MLLT6: variants seen among roughly 807,000 people sequenced by gnomAD.
MLLT6 encodes the protein MLLT6, PHD finger containing, also known as protein AF-17.
In MLLT6, 22 loss-of-function variants were observed where a neutral mutation model predicts 103.0. The ratio of observed to expected loss-of-function variants is 0.21; its 90% CI spans 0.15 to 0.31. The LOEUF is 0.31. MLLT6 is among the 10% of genes least tolerant of loss of function. The pLI, the probability that MLLT6 is intolerant of heterozygous loss-of-function variation, is 1.00. For synonymous variants in MLLT6, 606 were observed against 623.5 expected, an observed-to-expected ratio of 0.97 and a Z score of 0.42; for missense variants, 1,199 against 1,441.7, an observed-to-expected ratio of 0.83 and a Z score of 2.73.
At position 38,722,667 on chromosome 17, in the gene MLLT6, C is replaced by A; in HGVS notation, c.2793-11C>A. On this transcript the variant is annotated splice_polypyrimidine_tract_variant and intron_variant, in intron 17 of 19. Transcript: ENST00000621332. The stretch of plus-strand genomic sequence containing the variant: ...GTGTTGTCCCCCCCCCACCCCCCAC[C>A]CCCACCTCAGCCTTACAGAGCAGCA... The A allele has an allele frequency of 4.8e-6, 3 of 629,066 alleles. No homozygotes were observed. The highest frequency in any genetic ancestry group is 8.7e-6 in the Non-Finnish European group (3 of 346,624). The allele number at this position is 629,066 out of a possible 1,614,324, so 39.0% of individuals were successfully genotyped here.
rs1239742170 is a variant in MLLT6, at chr17:38,716,982, G to T, written c.1651+1G>T. On this transcript the variant is annotated splice_donor_variant, in intron 10 of 19. Transcript: ENST00000621332. LOFTEE classifies it high-confidence loss of function. This position sits in a 1 kb window ranked among gnomAD's most constrained non-coding sequence, Gnocchi z 5.6. ...CTGGAGTCCCCCTTACTAGGGGCAG[G>T]TTAGTGACCCCTGGGGACAGAGGGC... 6.2e-7 allele frequency: 1 copy of T among 1,613,284 alleles called. No individual in the cohort carries two copies. The highest frequency in any genetic ancestry group is 8.5e-7 in the Non-Finnish European group (1 of 1,179,882).
rs1319938721 is a variant in MLLT6, at chr17:38,724,836, A to C, written c.3100A>C (p.Asn1034His). Reference sequence around the variant, plus strand: ...AGCCCTAGTGGCTCCCTCGCTTGGCAACAACACAAGTCTCATGGCCGCAGC... The same window carrying C: ...AGCCCTAGTGGCTCCCTCGCTTGGCCACAACACAAGTCTCATGGCCGCAGC... ...AGALVAPSLGNNTSLMAAAAA... is the reference protein window; with the variant it reads ...AGALVAPSLGHNTSLMAAAAA... The change falls in exon 19 of 20, where the codon AAC (asparagine) becomes CAC (histidine). Residue 1034 changes from asparagine (N) to histidine (H), a missense_variant. By Grantham distance (68) the Asn-to-His change is moderately conservative. This residue lies in a region of MLLT6 where 55 missense variants were observed against 93.3 expected (regional missense o/e 0.59). Coordinates refer to ENST00000621332, the MANE Select transcript of MLLT6 (RefSeq NM_005937.4). This position sits in a 1 kb window ranked among gnomAD's most constrained non-coding sequence, Gnocchi z 5.4. The C allele has an allele frequency of 2.5e-6, 4 of 1,591,998 alleles. No individual in the cohort carries two copies. The highest frequency in any genetic ancestry group is 3.4e-6 in the Non-Finnish European group (4 of 1,169,916).
Position 38,724,156 on chromosome 17 carries a change from T to A in MLLT6, c.2884-464T>A, listed in dbSNP as rs1255916846. ...CCTGTAATCCAGCTACCTGGGAGGC[T>A]GAGGCAGGAGAATCGCTTGAACCCA... is the stretch of plus-strand genomic sequence containing the variant. On this transcript the variant is annotated intron_variant, in intron 18 of 19. Coordinates refer to ENST00000621332, the MANE Select transcript of MLLT6 (RefSeq NM_005937.4). This position sits in a 1 kb window ranked among gnomAD's most constrained non-coding sequence, Gnocchi z 5.4. 2 of 154,106 alleles carry A rather than the reference T, an allele frequency of 1.3e-5. No homozygotes were observed. Among genetic ancestry groups the A allele is most frequent in the African/African-American group, 4.8e-5 (2 of 41,488 alleles). The allele number at this position is 154,106 out of a possible 1,614,324, so 9.5% of individuals were successfully genotyped here.
At position 38,716,204 on chromosome 17, in the gene MLLT6, G is replaced by T; in HGVS notation, c.1037-163G>T. 1 of 701,778 alleles carries T rather than the reference G, an allele frequency of 1.4e-6. No individual in the cohort carries two copies. Among genetic ancestry groups the T allele is most frequent in the Non-Finnish European group, 2.3e-6 (1 of 429,772 alleles). The allele number at this position is 701,778 out of a possible 1,614,324, so 43.5% of individuals were successfully genotyped here. On this transcript the variant is annotated intron_variant, in intron 9 of 19. Coordinates refer to ENST00000621332, the MANE Select transcript of MLLT6 (RefSeq NM_005937.4). The surrounding 1 kb of genome is among the most constrained non-coding windows in gnomAD (Gnocchi z 5.6). The stretch of plus-strand genomic sequence containing the variant: ...TTATTACAGGTGGGAAAGCTGGAGG[G>T]GTCGGGGGTACTCATCCCAGGACAC...
At chr17:38,720,822 C>T (rs1221807899) in intron 16 of MLLT6, 75 bp downstream of exon 16, 2 of 1,305,728 alleles carry the variant, frequency 1.5e-6, no homozygotes, top group South Asian at 1.2e-5. Flanking sequence ...TTCCCCGCAG[C>T]TATTGGAGGC....
chr17:38,717,875 C>G lies in MLLT6; in HGVS notation c.1864C>G (p.Leu622Val). The G allele has an allele frequency of 6.2e-7, 1 of 1,614,056 alleles. No homozygotes were observed. Among genetic ancestry groups the G allele is most frequent in the Non-Finnish European group, 8.5e-7 (1 of 1,179,914 alleles). ...VFSLAGSTFS[L>V]PSTHIFGTPM... The stretch of plus-strand genomic sequence containing the variant: ...TTCTCTGGCTGGCTCTACCTTTAGC[C>G]TCCCTTCTACCCACATCTTTGGAAC... Residue 622 changes from leucine to valine, a missense_variant, in exon 12 of 20, where the codon CTC becomes GTC. Physicochemically the swap from Leu to Val is conservative, Grantham distance 32 (BLOSUM62 1). Transcript: ENST00000621332.
At chr17:38,706,437 C>T (rs1190097298) in intron 1 of MLLT6, among the ~76,000 whole-genome samples, 1 of 152,142 alleles carries the variant, frequency 6.6e-6, no homozygotes, top group Non-Finnish European at 1.5e-5. Context: ...CGCCACGCTC[C>T]TCTCGGTTCC....
At chr17:38,719,954 T>TC (rs1369560066) in intron 14 of MLLT6, 59 bp downstream of exon 14, 1 of 1,489,402 alleles carries the variant, frequency 6.7e-7, no homozygotes, top group Non-Finnish European at 8.9e-7. Context: ...GTCACCTTTC[T>TC]CCCCGAGGTC....
At position 38,720,369 on chromosome 17, in the gene MLLT6, C is replaced by T. The variant is rs1346668336; in HGVS notation, c.2156-3C>T. On this transcript the variant is annotated splice_polypyrimidine_tract_variant and splice_region_variant and intron_variant, in intron 14 of 19. Coordinates refer to ENST00000621332, the MANE Select transcript of MLLT6 (RefSeq NM_005937.4). Reference sequence around the variant, plus strand: ...TCCCTCAGGTTCCTCGCTCTCTCCGCAGTCGTGGAGATGCTGAAGGCGCTG... The same window carrying T: ...TCCCTCAGGTTCCTCGCTCTCTCCGTAGTCGTGGAGATGCTGAAGGCGCTG... 8 of 1,606,996 alleles carry T rather than the reference C, an allele frequency of 5.0e-6. No homozygotes were observed. Among genetic ancestry groups the T allele is most frequent in the East Asian group, 4.5e-5 (2 of 44,856 alleles).
In MLLT6 at chr17:38,709,668, T is replaced by C; in HGVS notation, c.552+93T>C. The C allele has an allele frequency of 1.0e-6, 1 of 973,676 alleles. No individual in the cohort carries two copies. The highest frequency in any genetic ancestry group is 1.6e-6 in the Non-Finnish European group (1 of 615,630). 60.3% of individuals were successfully genotyped at this position (973,676 alleles called of 1,614,324 possible). Reference sequence around the variant, plus strand: ...TCTGGGCCAGGCCAGTGCCTGGTGCTAGGAGGACAGAGAGGGAAAAAACCC... The same window carrying C: ...TCTGGGCCAGGCCAGTGCCTGGTGCCAGGAGGACAGAGAGGGAAAAAACCC... On this transcript the variant is annotated intron_variant, in intron 6 of 19. Transcript: ENST00000621332. This position sits in a 1 kb window ranked among gnomAD's most constrained non-coding sequence, Gnocchi z 4.3.
chr17:38,708,632 C>T (rs1449083575), intron 4 of MLLT6, among the ~76,000 whole-genome samples: 1 of 152,220 alleles, frequency 6.6e-6, no homozygotes, highest in Non-Finnish European at 1.5e-5. Flanking sequence ...TGTGGTGGCT[C>T]ACACCTGTAA....
chr17:38,726,120 A>C lies in MLLT6; in HGVS notation c.*522A>C, dbSNP rs551816307. Reference sequence around the variant, plus strand: ...ACTTTTTCTCGCCATCCCTCCCCCCAGCGCAGGGGCACAAGCTGAGCTTGT... The same window carrying C: ...ACTTTTTCTCGCCATCCCTCCCCCCCGCGCAGGGGCACAAGCTGAGCTTGT... On this transcript the variant is annotated 3_prime_UTR_variant, in exon 20 of 20. Transcript: ENST00000621332. 4.3e-6 allele frequency: 1 copy of C among 234,742 alleles called. No homozygotes were observed. Among genetic ancestry groups the C allele is most frequent in the South Asian group, 1.8e-4 (1 of 5,646 alleles). The allele number at this position is 234,742 out of a possible 1,614,324, so 14.5% of individuals were successfully genotyped here. A position where few individuals can be genotyped will look rare whatever the true frequency, so the allele number is the denominator to read the frequency against.
rs942518529 is a variant in MLLT6, at chr17:38,726,637, C to T, written c.*1039C>T. 14 of 233,582 alleles carry T rather than the reference C, an allele frequency of 6.0e-5. No individual in the cohort carries two copies. Among genetic ancestry groups the T allele is most frequent in the Non-Finnish European group, 9.3e-5 (11 of 118,052 alleles). The allele number at this position is 233,582 out of a possible 1,614,324, so 14.5% of individuals were successfully genotyped here. The stretch of plus-strand genomic sequence containing the variant: ...GCTTTGAATCAGGGTAGTATCCTGC[C>T]TTCCCTCCCCTGACCCCACATGGTC... On this transcript the variant is annotated 3_prime_UTR_variant, in exon 20 of 20. Coordinates refer to ENST00000621332, the MANE Select transcript of MLLT6 (RefSeq NM_005937.4).
Position 38,709,076 on chromosome 17 carries a change from G to A in MLLT6, c.355-97G>A. The A allele has an allele frequency of 1.1e-6, 1 of 885,592 alleles. No homozygotes were observed. Among genetic ancestry groups the A allele is most frequent in the Non-Finnish European group, 1.8e-6 (1 of 556,816 alleles). The allele number at this position is 885,592 out of a possible 1,614,324, so 54.9% of individuals were successfully genotyped here. On this transcript the variant is annotated intron_variant, in intron 4 of 19. Coordinates refer to ENST00000621332, the MANE Select transcript of MLLT6 (RefSeq NM_005937.4). This position sits in a 1 kb window ranked among gnomAD's most constrained non-coding sequence, Gnocchi z 4.3. ...GTTCTGTGGGATAGCACTGATCTAA[G>A]ACTGTAGAGAGCAAATGGAATGGAG...
rs148039417 is a variant in MLLT6, at chr17:38,712,577, G to T, written c.721-114G>T. On this transcript the variant is annotated intron_variant, in intron 7 of 19. Coordinates refer to ENST00000621332, the MANE Select transcript of MLLT6 (RefSeq NM_005937.4). ...ATCCAGCCCTCCTCAGGGAGAGATG[G>T]TGCCCACAAAACCCCATCCCTAAGG... The T allele has an allele frequency of 9.9e-6, 7 of 704,458 alleles. No individual in the cohort carries two copies. The African/African-American group carries it at 1.2e-4, about 12-fold the overall frequency. 43.6% of individuals were successfully genotyped at this position (704,458 alleles called of 1,614,324 possible). A position where few individuals can be genotyped will look rare whatever the true frequency, so the allele number is the denominator to read the frequency against.
At chr17:38,718,774 C>T (rs1305143238) in intron 12 of MLLT6, 1 of 152,186 alleles carries the variant, frequency 6.6e-6, no homozygotes, top group Admixed American at 6.5e-5. Flanking sequence ...AAGCGCCCCG[C>T]CCTCTCCCTG....
At chr17:38,706,773 G>C (rs2075054) in intron 1 of MLLT6, 177 bp from the exon 2 acceptor site, 76,230 of 476,470 alleles carry the variant, frequency 0.16, 6,564 homozygotes, top group Non-Finnish European at 0.18. Flanking sequence ...TGTGGTTGAA[G>C]GCTGGTGTTG....
At position 38,706,936 on chromosome 17, in the gene MLLT6, C is replaced by T; in HGVS notation, c.110-14C>T. 6.3e-7 allele frequency: 1 copy of T among 1,599,956 alleles called. No individual in the cohort carries two copies. Among genetic ancestry groups the T allele is most frequent in the East Asian group, 2.2e-5 (1 of 44,502 alleles). ...CTGACAGCTTTGCTCAGCGACTGTC[C>T]TCCCCACCCTCAGCTTGCTATGGCA... On this transcript the variant is annotated splice_polypyrimidine_tract_variant and intron_variant, in intron 1 of 19. Transcript: ENST00000621332.
At position 38,725,805 on chromosome 17, in the gene MLLT6, G is replaced by A. The variant is rs948350437; in HGVS notation, c.*207G>A. The A allele has an allele frequency of 6.5e-5, 34 of 523,214 alleles. No homozygotes were observed. The highest frequency in any genetic ancestry group is 9.6e-5 in the Non-Finnish European group (29 of 301,864). The allele number at this position is 523,214 out of a possible 1,614,324, so 32.4% of individuals were successfully genotyped here. ...CTCCATCTGGCCCCCTTCCCTTTCC[G>A]CACTGTCCGCTTTGTGAGGCTCAGA... On this transcript the variant is annotated 3_prime_UTR_variant, in exon 20 of 20. Coordinates refer to ENST00000621332, the MANE Select transcript of MLLT6 (RefSeq NM_005937.4).
Sources: gnomAD v4.1 joint callset for allele counts (sites outside exome capture counted in the v4.1 genomes callset) on GRCh38, gnomAD v4.1.1 for gene constraint, gnomAD v4.1.1 regional missense constraint, Gnocchi (gnomAD v3.1) non-coding constraint, MANE v1.5 for transcripts, NCBI Gene and HGNC (gene_info 2026-07-23, HGNC 2026-07-21) for gene names.